ZNF366: variants seen among roughly 807,000 people sequenced by gnomAD.
ZNF366 encodes the protein dendritic cell-specific transcript protein.
In ZNF366, 20 loss-of-function variants were observed where a neutral mutation model predicts 47.2. That is an observed-to-expected ratio of 0.42 (90% confidence interval 0.30 to 0.62). The LOEUF (loss-of-function observed/expected upper bound fraction) is 0.62, where lower values mean the gene tolerates loss of function less well. Ranked by LOEUF, ZNF366 falls within the 20% of genes least tolerant of loss-of-function variation. ZNF366 has a pLI of 0.16. For missense variants in ZNF366, 987 were observed against 976.3 expected (o/e 1.01, Z -0.15); for synonymous variants, 421 against 395.1 (o/e 1.07, Z -0.78).
Position 72,460,870 on chromosome 5 carries a change from C to T in ZNF366, c.627G>A (p.Pro209=). ...CGGCTTTCCGGGGCAGCAGAGGTTC[C>T]GGGGGCTGCTTGGGCAGGAAGGTGT... ...SRHTFLPKQP[P]EPLLPRKAEP... Residue 209 remains proline (P), a synonymous_variant, in exon 2 of 5, where the codon CCG becomes CCA. Coordinates refer to ENST00000318442, the MANE Select transcript of ZNF366 (RefSeq NM_152625.3). 4 of 1,613,870 alleles carry T rather than the reference C, an allele frequency of 2.5e-6. No individual in the cohort carries two copies. The highest frequency in any genetic ancestry group is 1.7e-6 in the Non-Finnish European group (2 of 1,179,862).
intron 1 of ZNF366, among the ~76,000 whole-genome samples, chr5:72,489,637 A>G (rs896940771): frequency 6.6e-6 from 1 of 152,198 alleles, no homozygotes; most frequent in Non-Finnish European, 1.5e-5. Context: ...GCTACCCTTC[A>G]GAAAGTTGTT....
At chr5:72,502,174 T>C (rs1288075503) in intron 1 of ZNF366, among the ~76,000 whole-genome samples, 1 of 152,242 alleles carries the variant, frequency 6.6e-6, no homozygotes, top group African/African-American at 2.4e-5. Context: ...TGTGCTATTG[T>C]AGGCCCTGGG....
At position 72,443,539 on chromosome 5, in the gene ZNF366, G is replaced by T. The variant is rs554726199; in HGVS notation, c.*217C>A. On this transcript the variant is annotated 3_prime_UTR_variant, in exon 5 of 5. Coordinates refer to ENST00000318442, the MANE Select transcript of ZNF366 (RefSeq NM_152625.3). ...TTATTATACTGGCAATGCATAAAAC[G>T]CCACTGATGAAGACCCTGCACATGT... 3.3e-5 allele frequency: 17 copies of T among 509,520 alleles called. No homozygotes were observed. In the East Asian group the frequency reaches 5.4e-4, roughly 16 times the overall value. The allele number at this position is 509,520 out of a possible 1,614,324, so 31.6% of individuals were successfully genotyped here.
intron 1 of ZNF366, among the ~76,000 whole-genome samples, chr5:72,473,387 G>T (rs1025408537): frequency 3.0e-4 from 45 of 152,184 alleles, no homozygotes; most frequent in Non-Finnish European, 7.3e-5. Flanking sequence ...TCTGTGGCTT[G>T]CAGCGAAACA....
intron 1 of ZNF366, among the ~76,000 whole-genome samples, chr5:72,477,243 T>C (rs1355216040): frequency 1.3e-5 from 2 of 152,238 alleles, no homozygotes; most frequent in Admixed American, 1.3e-4. Flanking sequence ...ACTCTTGACA[T>C]TTAATTTTAA....
At chr5:72,466,819 G>T (rs979337165) in intron 1 of ZNF366, among the ~76,000 whole-genome samples, 2 of 152,222 alleles carry the variant, frequency 1.3e-5, no homozygotes, top group African/African-American at 4.8e-5. Flanking sequence ...CACACGCTTT[G>T]TGTGAGTTGT....
intron 1 of ZNF366, among the ~76,000 whole-genome samples, chr5:72,484,733 G>A (rs1319886063): frequency 6.6e-6 from 1 of 152,022 alleles, no homozygotes; most frequent in Non-Finnish European, 1.5e-5. Flanking sequence ...CTTATCCAGA[G>A]TCAATGATCA....
chr5:72,441,774 T>A lies in ZNF366; in HGVS notation c.*1982A>T, dbSNP rs565615861. On this transcript the variant is annotated 3_prime_UTR_variant, in exon 5 of 5. Transcript: ENST00000318442. ...ATGTACTGGGAAATCTGGGATAGGA[T>A]GAAGCACAATAATAACCAGTACCTA... 2.0e-5 allele frequency: 3 copies of A among 152,216 alleles called. No homozygotes were observed. The highest frequency in any genetic ancestry group is 4.4e-5 in the Non-Finnish European group (3 of 68,056). The allele number at this position is 152,216 out of a possible 1,614,324, so 9.4% of individuals were successfully genotyped here.
chr5:72,459,058 T>C (rs1470941613), intron 2 of ZNF366, among the ~76,000 whole-genome samples: 1 of 152,170 alleles, frequency 6.6e-6, no homozygotes, highest in Non-Finnish European at 1.5e-5. Context: ...CCCCTCTGGA[T>C]AGTATCTACA....
rs936312905 is a variant in ZNF366, at chr5:72,442,730, A to T, written c.*1026T>A. On this transcript the variant is annotated 3_prime_UTR_variant, in exon 5 of 5. Transcript: ENST00000318442. Reference sequence around the variant, plus strand: ...TAGTGCAGTAGCGTGATCTCAGCTCAGCTCACTGCAATCTCCACTGCCTGG... The same window carrying T: ...TAGTGCAGTAGCGTGATCTCAGCTCTGCTCACTGCAATCTCCACTGCCTGG... 1 of 145,986 alleles carries T rather than the reference A, an allele frequency of 6.8e-6. No individual in the cohort carries two copies. Among genetic ancestry groups the T allele is most frequent in the Non-Finnish European group, 1.5e-5 (1 of 67,408 alleles). The allele number at this position is 145,986 out of a possible 1,614,324, so 9.0% of individuals were successfully genotyped here.
chr5:72,478,035 A>T lies in ZNF366; in HGVS notation c.-14-16525T>A, dbSNP rs536736956. On this transcript the variant is annotated intron_variant, in intron 1 of 4. Transcript: ENST00000318442. ...GGTTTGTTTTTTTTTAATGAATCCTATTTCTGAATTCCAGCAACACTCTCA... is the reference window on the plus strand; with the variant it reads ...GGTTTGTTTTTTTTTAATGAATCCTTTTTCTGAATTCCAGCAACACTCTCA... 3.4e-4 allele frequency among the ~76,000 whole-genome samples: 51 copies of T among 152,084 alleles called. No homozygotes were observed. In the South Asian group the frequency reaches 0.01, roughly 31 times the overall value.
At chr5:72,458,039 C>T (rs1397068255) in intron 2 of ZNF366, among the ~76,000 whole-genome samples, 33 of 99,586 alleles carry the variant, frequency 3.3e-4, no homozygotes, top group Admixed American at 2.4e-3. Context: ...TTTTTTGAGA[C>T]GGAATCTCAC....
intron 2 of ZNF366, 56 bp downstream of exon 2, chr5:72,460,109 A>C: frequency 1.3e-6 from 2 of 1,574,134 alleles, no homozygotes; most frequent in Non-Finnish European, 1.7e-6. Context: ...TGCTCTGCTC[A>C]GGGCCCCGCT....
At chr5:72,498,543 G>T (rs1009258132) in intron 1 of ZNF366, among the ~76,000 whole-genome samples, 1 of 152,186 alleles carries the variant, frequency 6.6e-6, no homozygotes, top group African/African-American at 2.4e-5. Flanking sequence ...ATTGCTAGTA[G>T]TAACACTTAA....
intron 1 of ZNF366, among the ~76,000 whole-genome samples, chr5:72,498,700 T>C (rs1446582680): frequency 6.6e-6 from 1 of 152,234 alleles, no homozygotes; most frequent in Admixed American, 6.5e-5. Context: ...AGTCAAACAA[T>C]TTGGGGCTAA....
chr5:72,462,793 C>T (rs1316428202), intron 1 of ZNF366, among the ~76,000 whole-genome samples: 8 of 152,094 alleles, frequency 5.3e-5, no homozygotes, highest in African/African-American at 1.9e-4. Context: ...TCAAGTGATC[C>T]ACCCGCCTCG....
chr5:72,506,715 C>T (rs1744324297), intron 1 of ZNF366, among the ~76,000 whole-genome samples: 2 of 152,190 alleles, frequency 1.3e-5, no homozygotes, highest in African/African-American at 2.4e-5. Flanking sequence ...TTCCAAGTGA[C>T]ATTCCCTTCT....
chr5:72,506,298 T>C (rs1744316764), intron 1 of ZNF366, among the ~76,000 whole-genome samples: 1 of 152,222 alleles, frequency 6.6e-6, no homozygotes, highest in Non-Finnish European at 1.5e-5. Flanking sequence ...TGCTGACCTA[T>C]TTTTGACAAC....
chr5:72,469,942 C>T (rs181004566), intron 1 of ZNF366, among the ~76,000 whole-genome samples: 15 of 152,192 alleles, frequency 9.9e-5, no homozygotes, highest in African/African-American at 3.1e-4. Flanking sequence ...CTACTCAGGA[C>T]GCTGAGGTGG....
Sources: allele counts gnomAD v4.1 joint callset (sites outside exome capture counted in the v4.1 genomes callset), GRCh38; gene constraint gnomAD v4.1.1; transcripts MANE v1.5; gene names NCBI Gene and HGNC (gene_info 2026-07-23, HGNC 2026-07-21).